Variants in ACACA observed in about 807,000 individuals in gnomAD.
ACACA encodes the protein acetyl-CoA carboxylase 1.
In ACACA, 103 loss-of-function variants were observed where a neutral mutation model predicts 296.1. The observed-to-expected ratio is 0.35, with a 90% confidence interval of 0.30 to 0.41. The LOEUF (loss-of-function observed/expected upper bound fraction) is 0.41, where lower values mean the gene tolerates loss of function less well. ACACA is among the 10% of genes least tolerant of loss of function. The pLI, the probability that ACACA is intolerant of heterozygous loss-of-function variation, is 1.00. For missense variants in ACACA, 1,554 were observed against 2,989.7 expected (o/e 0.52, Z 11.20); for synonymous variants, 953 against 1,038.6 (o/e 0.92, Z 1.58).
intron 2 of ACACA, among the ~76,000 whole-genome samples, chr17:37,332,813 G>A (rs1318502260): frequency 1.3e-5 from 2 of 151,750 alleles, no homozygotes; most frequent in African/African-American, 4.8e-5. Flanking sequence ...GGGAGGCTGA[G>A]GCAGAAGAAT....
intron 54 of ACACA, among the ~76,000 whole-genome samples, chr17:37,096,291 T>TG (rs2072987934): frequency 6.6e-6 from 1 of 152,170 alleles, no homozygotes; most frequent in Admixed American, 6.5e-5. Flanking sequence ...ACAGCTTACA[T>TG]GGCCCTGTGT....
At chr17:37,404,394 A>T (rs1403316416) in intron 1 of ACACA, among the ~76,000 whole-genome samples, 2 of 151,962 alleles carry the variant, frequency 1.3e-5, no homozygotes, top group Non-Finnish European at 2.9e-5. Context: ...GCAATTTAAA[A>T]TTTTTTTAGA....
chr17:37,224,549 T>C (rs2079447955), intron 27 of ACACA, among the ~76,000 whole-genome samples: 1 of 152,040 alleles, frequency 6.6e-6, no homozygotes, highest in Non-Finnish European at 1.5e-5. Context: ...TAACATAAAA[T>C]TAAAATTAAA....
chr17:37,301,717 TAGGTTTTGAAATCAGGTAGTA>T (rs1384161506), intron 3 of ACACA, among the ~76,000 whole-genome samples: 1 of 152,306 alleles, frequency 6.6e-6, no homozygotes, highest in Non-Finnish European at 1.5e-5. Context: ...GACTTTATAG[TAGGTTTTGAAATCAGGTAGTA>T]TGAAGACCTC....
intron 39 of ACACA, among the ~76,000 whole-genome samples, chr17:37,186,998 C>T (rs1277267930): frequency 2.0e-5 from 3 of 152,068 alleles, no homozygotes; most frequent in Non-Finnish European, 4.4e-5. Context: ...AATAGACCTG[C>T]CTTGAAGCTA....
intron 9 of ACACA, among the ~76,000 whole-genome samples, chr17:37,273,571 G>C (rs985039650): frequency 2.6e-5 from 4 of 152,188 alleles, no homozygotes; most frequent in African/African-American, 9.7e-5. Flanking sequence ...CACTGCACAG[G>C]ACATATGCTC....
At chr17:37,144,007 C>T in intron 45 of ACACA, 1 of 795,920 alleles carries the variant, frequency 1.3e-6, no homozygotes, top group Non-Finnish European at 2.3e-6. Flanking sequence ...TGAAGGAAGC[C>T]TCTTGGGTGC....
chr17:37,277,002 G>A (rs116456895), intron 7 of ACACA, 31 bp downstream of exon 7: 1 of 1,589,914 alleles, frequency 6.3e-7, no homozygotes, highest in Non-Finnish European at 8.6e-7. Context: ...GAAAGAAACA[G>A]AAAGACGGAC....
chr17:37,216,684 G>C (rs947170292), intron 29 of ACACA, among the ~76,000 whole-genome samples: 1 of 152,014 alleles, frequency 6.6e-6, no homozygotes. Context: ...AACTGTTCAA[G>C]TGTGCTAAAA....
chr17:37,385,521 T>C (rs2050488247), intron 1 of ACACA, among the ~76,000 whole-genome samples: 1 of 151,958 alleles, frequency 6.6e-6, no homozygotes, highest in African/African-American at 2.4e-5. Context: ...TACATGAAGC[T>C]GGGTGGCTTT....
At chr17:37,259,228 G>A in intron 12 of ACACA, 132 bp downstream of exon 12, 2 of 1,036,370 alleles carry the variant, frequency 1.9e-6, no homozygotes, top group Non-Finnish European at 3.0e-6. Flanking sequence ...AACACATACA[G>A]GGTGAAAGAG....
intron 1 of ACACA, among the ~76,000 whole-genome samples, chr17:37,381,729 G>A (rs917937366): frequency 2.7e-5 from 4 of 148,452 alleles, no homozygotes; most frequent in Non-Finnish European, 5.9e-5. Context: ...TCGGGTTCAC[G>A]CCATTCTCCT....
chr17:37,291,026 G>A (rs570979624), intron 3 of ACACA, among the ~76,000 whole-genome samples: 1 of 145,290 alleles, frequency 6.9e-6, no homozygotes, highest in East Asian at 2.1e-4. Flanking sequence ...AGGTTGCAGT[G>A]AGCCGAGATC....
Position 37,381,562 on chromosome 17 carries a change from T to C in ACACA, c.38+24700A>G, listed in dbSNP as rs72828233. ...ATACGTATATATTTACCCCATACTT[T>C]TTTATATTTGCCTCATTCTTTTTAA... On this transcript the variant is annotated intron_variant, in intron 1 of 55. Transcript: ENST00000616317. Among the ~76,000 whole-genome samples, 369 of 152,018 alleles carry C rather than the reference T, an allele frequency of 2.4e-3. 1 individual carries two copies. The highest frequency in any genetic ancestry group is 4.1e-3 in the Non-Finnish European group (282 of 68,016).
chr17:37,113,177 G>A lies in ACACA; in HGVS notation c.6363C>T (p.Pro2121=). The A allele has an allele frequency of 1.2e-6, 2 of 1,614,158 alleles. No homozygotes were observed. The highest frequency in any genetic ancestry group is 1.7e-6 in the Non-Finnish European group (2 of 1,180,020). ...CCQPVLVYIP[P]QAELRGGSWV... ...AGGAGCCACCCCGCAGCTCAGCCTG[G>A]GGAGGAATGTAAACCAGCACAGGCT... Residue 2121 remains proline (P), a synonymous_variant, in exon 51 of 56, where the codon CCC becomes CCT. Transcript: ENST00000616317. The surrounding 1 kb of genome is among the most constrained non-coding windows in gnomAD (Gnocchi z 4.0).
At chr17:37,087,532 C>T (rs1165219613) in intron 55 of ACACA, 93 bp from the exon 56 acceptor site, 17 of 1,450,990 alleles carry the variant, frequency 1.2e-5, no homozygotes, top group East Asian at 2.3e-5. Flanking sequence ...ATGTGTGCAC[C>T]GTCCACTGCA....
intron 3 of ACACA, among the ~76,000 whole-genome samples, chr17:37,313,884 T>C (rs1182132487): frequency 2.0e-5 from 3 of 150,288 alleles, no homozygotes; most frequent in Non-Finnish European, 4.4e-5. Flanking sequence ...AATCAGTATA[T>C]TGAAGAGATA....
chr17:37,315,146 T>C lies in ACACA; in HGVS notation c.338+15027A>G, dbSNP rs199901883. ...ACTAATTTTGTATTTTTAGTAGAGA[T>C]GGGGTTTCTCCATGTTGGTCAGGCT... On this transcript the variant is annotated intron_variant, in intron 3 of 55. Coordinates refer to ENST00000616317, the MANE Select transcript of ACACA (RefSeq NM_198834.3). Among the ~76,000 whole-genome samples the C allele has an allele frequency of 3.3e-5, 5 of 151,842 alleles. No individual in the cohort carries two copies. In the East Asian group the frequency reaches 7.8e-4, roughly 24 times the overall value.
chr17:37,322,111 C>T (rs2047385218), intron 3 of ACACA, among the ~76,000 whole-genome samples: 1 of 152,154 alleles, frequency 6.6e-6, no homozygotes, highest in African/African-American at 2.4e-5. Flanking sequence ...TACAGGCAAT[C>T]TCATCTGAAT....
Sources: gnomAD v4.1 joint callset for allele counts (sites outside exome capture counted in the v4.1 genomes callset) on GRCh38, gnomAD v4.1.1 for gene constraint, Gnocchi (gnomAD v3.1) non-coding constraint, MANE v1.5 for transcripts, NCBI Gene and HGNC (gene_info 2026-07-23, HGNC 2026-07-21) for gene names.